ENTPD5: variants seen among roughly 807,000 people sequenced by gnomAD.
ENTPD5 encodes the protein ectonucleoside triphosphate diphosphohydrolase 5 (inactive), also known as nucleoside diphosphate phosphatase ENTPD5.
In ENTPD5, 49 loss-of-function variants were observed where a neutral mutation model predicts 60.2. That is an observed-to-expected ratio of 0.81 (90% CI 0.65 to 1.03). The LOEUF is 1.03. ENTPD5 is among the 50% of genes least tolerant of loss of function. The pLI, the probability that ENTPD5 is intolerant of heterozygous loss-of-function variation, is 0.00. For missense variants in ENTPD5, 480 were observed against 507.6 expected, an observed-to-expected ratio of 0.95 and a Z score of 0.52; for synonymous variants, 187 against 185.4, an observed-to-expected ratio of 1.01 and a Z score of -0.07.
rs750982082 is a variant in ENTPD5, at chr14:73,992,589, CAGG to C, written c.-70-4420_-70-4418del. Among the ~76,000 whole-genome samples the C allele has an allele frequency of 1.5e-4, 22 of 148,782 alleles. 1 individual carries two copies. Among genetic ancestry groups the C allele is most frequent in the Non-Finnish European group, 3.1e-4 (21 of 67,768 alleles). On this transcript the variant is annotated intron_variant, in intron 3 of 15. Transcript: ENST00000334696. ...GCTCCAGTTACTAGGGAGGCTGAGGCAGGAGAATTGCTTGAACCTGGGAGGCAA... is the reference window on the plus strand; with the variant it reads ...GCTCCAGTTACTAGGGAGGCTGAGGCAGAATTGCTTGAACCTGGGAGGCAA...
At chr14:73,976,802 C>T (rs768063790) in intron 8 of ENTPD5, among the ~76,000 whole-genome samples, 6 of 152,114 alleles carry the variant, frequency 3.9e-5, no homozygotes, top group South Asian at 2.1e-4. Flanking sequence ...GACGGAGTTT[C>T]GCCATGTTGG....
Position 73,974,464 on chromosome 14 carries a change from G to A in ENTPD5, c.784+460C>T, listed in dbSNP as rs62006133. ...AAATTCTCATTTAATGTGAGGAAAGGGGCACAGATAGGTTACTTGCCTCAT... is the reference window on the plus strand; with the variant it reads ...AAATTCTCATTTAATGTGAGGAAAGAGGCACAGATAGGTTACTTGCCTCAT... On this transcript the variant is annotated intron_variant, in intron 11 of 15. Coordinates refer to ENST00000334696, the MANE Select transcript of ENTPD5 (RefSeq NM_001249.5). Among the ~76,000 whole-genome samples the A allele has an allele frequency of 4.9e-3, 742 of 152,240 alleles. 5 individuals are homozygous for A. The highest frequency in any genetic ancestry group is 8.3e-3 in the Non-Finnish European group (565 of 68,020).
intron 3 of ENTPD5, among the ~76,000 whole-genome samples, chr14:73,989,216 C>G (rs1326127286): frequency 6.6e-6 from 1 of 152,020 alleles, no homozygotes; most frequent in Non-Finnish European, 1.5e-5. Flanking sequence ...ATTGCTTGAG[C>G]CTAGGAGTTC....
At chr14:73,959,580 T>G, downstream of ENTPD5, 3 of 1,612,568 alleles carry the variant, frequency 1.9e-6, no homozygotes, top group Non-Finnish European at 2.5e-6. Context: ...AGAAAGGTGT[T>G]GTTTTTTTTT....
In ENTPD5 at chr14:73,988,166, G is replaced by A; in HGVS notation, c.-64C>T. Reference sequence around the variant, plus strand: ...CAGAAGCAATCCTGCTCGCACACCTGCAGAGGCTTATAGGACAAAGACACA... The same window carrying A: ...CAGAAGCAATCCTGCTCGCACACCTACAGAGGCTTATAGGACAAAGACACA... On this transcript the variant is annotated 5_prime_UTR_variant, in exon 4 of 16. Transcript: ENST00000334696. 1 of 1,538,782 alleles carries A rather than the reference G, an allele frequency of 6.5e-7. No individual in the cohort carries two copies. Among genetic ancestry groups the A allele is most frequent in the Non-Finnish European group, 8.8e-7 (1 of 1,140,900 alleles).
At chr14:73,955,401 G>C (rs2056386792), downstream of ENTPD5, 3 of 1,411,976 alleles carry the variant, frequency 2.1e-6, no homozygotes, top group African/African-American at 4.2e-5. Context: ...ACAAGGGGGA[G>C]CCCAGGTCCT....
intron 5 of ENTPD5, 84 bp from the exon 6 acceptor site, chr14:73,983,245 A>G: frequency 7.1e-7 from 1 of 1,408,206 alleles, no homozygotes; most frequent in Non-Finnish European, 9.5e-7. Flanking sequence ...ACTTTGTGGG[A>G]GCAAGAAGAG....
chr14:73,991,664 T>C (rs1396469613), intron 3 of ENTPD5, among the ~76,000 whole-genome samples: 3 of 141,572 alleles, frequency 2.1e-5, no homozygotes, highest in Non-Finnish European at 4.5e-5. Flanking sequence ...CTGTGTAAGG[T>C]AGGATGTTTA....
intron 3 of ENTPD5, among the ~76,000 whole-genome samples, chr14:73,989,832 CAAAAAAA>C (rs57558687): frequency 1.9e-4 from 10 of 52,362 alleles, no homozygotes; most frequent in African/African-American, 6.0e-4. Flanking sequence ...GACTCAGTCT[CAAAAAAA>C]AAAAAAAAAA....
chr14:73,972,712 T>C (rs189888546), intron 13 of ENTPD5, among the ~76,000 whole-genome samples, 172 bp downstream of exon 13: 87 of 152,046 alleles, frequency 5.7e-4, no homozygotes, highest in Middle Eastern at 6.8e-3. Context: ...GTTGTTTTGG[T>C]CATCTCTCAC....
intron 3 of ENTPD5, among the ~76,000 whole-genome samples, chr14:74,000,302 C>T (rs762162942): frequency 2.0e-5 from 3 of 150,262 alleles, no homozygotes; most frequent in African/African-American, 4.9e-5. Flanking sequence ...ACCAAAAATA[C>T]AAAAACTAGT....
intron 6 of ENTPD5, among the ~76,000 whole-genome samples, chr14:73,979,843 T>C (rs1391021130): frequency 1.3e-5 from 2 of 152,138 alleles, no homozygotes; most frequent in Non-Finnish European, 2.9e-5. Flanking sequence ...CAGAGACATA[T>C]TAGGCTGCTC....
chr14:73,983,925 A>C (rs2057797566), intron 5 of ENTPD5, among the ~76,000 whole-genome samples: 1 of 151,996 alleles, frequency 6.6e-6, no homozygotes, highest in African/African-American at 2.4e-5. Context: ...ACCTGACCTC[A>C]AGTGATCCAC....
chr14:74,007,362 A>T (rs949886902), intron 3 of ENTPD5, among the ~76,000 whole-genome samples: 1 of 149,224 alleles, frequency 6.7e-6, no homozygotes, highest in Non-Finnish European at 1.5e-5. Context: ...TCTACTAAAA[A>T]TATAAAAAAT....
downstream of ENTPD5, chr14:73,955,788 T>A: frequency 6.2e-7 from 1 of 1,614,202 alleles, no homozygotes; most frequent in Non-Finnish European, 8.5e-7. Flanking sequence ...ATGCAGACTT[T>A]CCTTTTGTGT....
chr14:73,992,418 C>T (rs1291793876), intron 3 of ENTPD5, among the ~76,000 whole-genome samples: 2 of 152,174 alleles, frequency 1.3e-5, no homozygotes, highest in Non-Finnish European at 2.9e-5. Context: ...GGCGTGGTGG[C>T]TCACGCCTAT....
At chr14:73,956,095 C>A (rs112435952), downstream of ENTPD5, 65 of 870,448 alleles carry the variant, frequency 7.5e-5, no homozygotes, top group African/African-American at 6.9e-4. Flanking sequence ...GAGGCTAAGG[C>A]GGGCGGATCA....
intron 4 of ENTPD5, among the ~76,000 whole-genome samples, chr14:73,987,487 G>A (rs1463992036): frequency 1.3e-5 from 2 of 151,896 alleles, no homozygotes. Flanking sequence ...GGAGTTTGAG[G>A]CCAGCCTGAG....
At chr14:74,018,038 C>T (rs939146516) in intron 1 of ENTPD5, among the ~76,000 whole-genome samples, 26 of 151,642 alleles carry the variant, frequency 1.7e-4, no homozygotes, top group African/African-American at 5.8e-4. Flanking sequence ...AAAAATTAGC[C>T]GGGTGTGGTG....
Sources: gnomAD v4.1 joint callset for allele counts (sites outside exome capture counted in the v4.1 genomes callset) on GRCh38, gnomAD v4.1.1 for gene constraint, MANE v1.5 for transcripts, NCBI Gene and HGNC (gene_info 2026-07-23, HGNC 2026-07-21) for gene names.